Variants in H4C3 observed in about 807,000 individuals in gnomAD.
H4C3 encodes the protein H4 clustered histone 3.
In H4C3, 10 loss-of-function variants were observed where a neutral mutation model predicts 5.3. That is an observed-to-expected ratio of 1.87 (90% CI 1.16 to 3.18). H4C3 has a LOEUF of 3.18. Ranked by LOEUF, H4C3 falls within the 30% of genes most tolerant of loss-of-function variation. The pLI is 0.00. For missense variants in H4C3, 191 were observed against 152.5 expected (o/e 1.25, Z -1.33); for synonymous variants, 133 against 56.8 (o/e 2.34, Z -6.03).
At position 26,104,168 on chromosome 6, in the gene H4C3, C is replaced by G. The variant is rs1391019564; in HGVS notation, c.221C>G (p.Thr74Arg). The G allele has an allele frequency of 1.2e-6, 2 of 1,614,006 alleles. No homozygotes were observed. The highest frequency in any genetic ancestry group is 1.7e-6 in the Non-Finnish European group (2 of 1,180,030). Residue 74 changes from threonine to arginine, a missense_variant, in exon 1 of 1, where the codon ACG (threonine) becomes AGG (arginine). Coordinates refer to ENST00000377803, the MANE Select transcript of H4C3 (RefSeq NM_003542.4). ...GTTATTCGAGACGCCGTCACCTATA[C>G]GGAGCACGCCAAGCGCAAAACTGTC... is the stretch of plus-strand genomic sequence containing the variant. The part of the protein sequence containing the change: ...ENVIRDAVTY[T>R]EHAKRKTVTA...
At position 26,104,156 on chromosome 6, in the gene H4C3, C is replaced by A; in HGVS notation, c.209C>A (p.Ala70Asp). The change falls in exon 1 of 1, where the codon GCC (alanine) becomes GAC (aspartate). Residue 70 changes from alanine (A) to aspartate (D), a missense_variant. By Grantham distance (126) the Ala-to-Asp change is moderately radical. Transcript: ENST00000377803. The stretch of plus-strand genomic sequence containing the variant: ...TTCTTAGAGAACGTTATTCGAGACG[C>A]CGTCACCTATACGGAGCACGCCAAG... ...KVFLENVIRDAVTYTEHAKRK... is the reference protein window; with the variant it reads ...KVFLENVIRDDVTYTEHAKRK... The A allele has an allele frequency of 1.2e-6, 2 of 1,614,142 alleles. No homozygotes were observed. Among genetic ancestry groups the A allele is most frequent in the Non-Finnish European group, 1.7e-6 (2 of 1,180,026 alleles).
At position 26,104,100 on chromosome 6, in the gene H4C3, C is replaced by G. The variant is rs533320117; in HGVS notation, c.153C>G (p.Ile51Met). The G allele has an allele frequency of 3.1e-6, 5 of 1,614,142 alleles. No individual in the cohort carries two copies. Among genetic ancestry groups the G allele is most frequent in the Non-Finnish European group, 4.2e-6 (5 of 1,180,036 alleles). ...RGGVKRISGL[I>M]YEETRGVLKV... ...GCGTCAAGCGCATTTCCGGTCTTAT[C>G]TATGAGGAGACTCGAGGTGTGCTTA... Residue 51 changes from isoleucine (I) to methionine (M), a missense_variant, in exon 1 of 1, where the codon ATC (isoleucine) becomes ATG (methionine). Coordinates refer to ENST00000377803, the MANE Select transcript of H4C3 (RefSeq NM_003542.4).
rs928653034 is a variant in H4C3 at position 26,104,163 on chromosome 6, C to T, written c.216C>T (p.Thr72=). The change falls in exon 1 of 1, where the codon ACC becomes ACT. Residue 72 remains threonine, a synonymous_variant. Coordinates refer to ENST00000377803, the MANE Select transcript of H4C3 (RefSeq NM_003542.4). ...FLENVIRDAV[T]YTEHAKRKTV... is the part of the protein sequence containing the mutation. ...AGAACGTTATTCGAGACGCCGTCAC[C>T]TATACGGAGCACGCCAAGCGCAAAA... 1.9e-6 allele frequency: 3 copies of T among 1,614,044 alleles called. No individual in the cohort carries two copies. Among genetic ancestry groups the T allele is most frequent in the Non-Finnish European group, 2.5e-6 (3 of 1,180,038 alleles).
rs745478604 is a variant in H4C3 at position 26,104,122 on chromosome 6, C to G, written c.175C>G (p.Leu59Val). 1 of 1,614,146 alleles carries G rather than the reference C, an allele frequency of 6.2e-7. No homozygotes were observed. Among genetic ancestry groups the G allele is most frequent in the Non-Finnish European group, 8.5e-7 (1 of 1,180,030 alleles). The change falls in exon 1 of 1, where the codon CTT becomes GTT. Residue 59 changes from leucine to valine, a missense_variant. Physicochemically the swap from Leu to Val is conservative, Grantham distance 32. Coordinates refer to ENST00000377803, the MANE Select transcript of H4C3 (RefSeq NM_003542.4). ...TATCTATGAGGAGACTCGAGGTGTG[C>G]TTAAGGTTTTCTTAGAGAACGTTAT... is the stretch of plus-strand genomic sequence containing the variant. ...GLIYEETRGV[L>V]KVFLENVIRD...
rs1275105619 is a variant in H4C3 at position 26,104,043 on chromosome 6, AC to A, written c.98del (p.Pro33ArgfsTer31). 3.1e-6 allele frequency: 5 copies of A among 1,613,970 alleles called. No homozygotes were observed. In the African/African-American group the frequency reaches 4.0e-5, roughly 13 times the overall value. On this transcript the variant is annotated frameshift_variant, in exon 1 of 1. Transcript: ENST00000377803. LOFTEE classifies it high-confidence loss of function. ...GGGATAACATCCAGGGCATTACAAA[AC>A]CGGCTATTCGCCGTTTGGCTCGGCG... is the stretch of plus-strand genomic sequence containing the variant. ...LRDNIQGITK[P>X]AIRRLARRGG...
In H4C3 at chr6:26,104,105, A is replaced by G. The variant is rs1763196019; in HGVS notation, c.158A>G (p.Glu53Gly). 1 of 1,614,152 alleles carries G rather than the reference A, an allele frequency of 6.2e-7. No homozygotes were observed. Among genetic ancestry groups the G allele is most frequent in the Non-Finnish European group, 8.5e-7 (1 of 1,180,034 alleles). Residue 53 changes from glutamate (E) to glycine (G), a missense_variant, in exon 1 of 1, where the codon GAG becomes GGG. Glu to Gly is a moderately conservative substitution (Grantham distance 98, BLOSUM62 -2). Transcript: ENST00000377803. The stretch of plus-strand genomic sequence containing the variant: ...AAGCGCATTTCCGGTCTTATCTATG[A>G]GGAGACTCGAGGTGTGCTTAAGGTT... ...GVKRISGLIY[E>G]ETRGVLKVFL... is the part of the protein sequence containing the mutation.
Position 26,104,334 on chromosome 6 carries a change from C to G in H4C3, c.*75C>G. On this transcript the variant is annotated 3_prime_UTR_variant, in exon 1 of 1. Transcript: ENST00000377803. ...AACCCAAAGGCCCTTTTCAGGGCCG[C>G]TCACAAAGTCGTTTAAAGAGCTGAA... The G allele has an allele frequency of 7.5e-7, 1 of 1,341,366 alleles. No homozygotes were observed. Among genetic ancestry groups the G allele is most frequent in the Non-Finnish European group, 1.0e-6 (1 of 989,986 alleles). The allele number at this position is 1,341,366 out of a possible 1,614,324, so 83.1% of individuals were successfully genotyped here. A position where few individuals can be genotyped will look rare whatever the true frequency, so the allele number is the denominator to read the frequency against.
Position 26,104,118 on chromosome 6 carries a change from T to G in H4C3, c.171T>G (p.Gly57=). The G allele has an allele frequency of 6.2e-7, 1 of 1,614,046 alleles. No individual in the cohort carries two copies. The highest frequency in any genetic ancestry group is 2.2e-5 in the East Asian group (1 of 44,864). Residue 57 remains glycine, a synonymous_variant, in exon 1 of 1, where the codon GGT becomes GGG. Coordinates refer to ENST00000377803, the MANE Select transcript of H4C3 (RefSeq NM_003542.4). ...ISGLIYEETR[G]VLKVFLENVI... is the part of the protein sequence containing the mutation. The stretch of plus-strand genomic sequence containing the variant: ...GTCTTATCTATGAGGAGACTCGAGG[T>G]GTGCTTAAGGTTTTCTTAGAGAACG...
At position 26,104,009 on chromosome 6, in the gene H4C3, A is replaced by G. The variant is rs1226785101; in HGVS notation, c.62A>G (p.Lys21Arg). ...AAGGGTGGTGCTAAGCGCCATCGTA[A>G]GGTGCTCCGGGATAACATCCAGGGC... ...LGKGGAKRHRKVLRDNIQGIT... is the reference protein window; with the variant it reads ...LGKGGAKRHRRVLRDNIQGIT... Residue 21 changes from lysine to arginine, a missense_variant, in exon 1 of 1, where the codon AAG (lysine) becomes AGG (arginine). Lys to Arg is a conservative substitution (Grantham distance 26). Coordinates refer to ENST00000377803, the MANE Select transcript of H4C3 (RefSeq NM_003542.4). 1 of 1,614,046 alleles carries G rather than the reference A, an allele frequency of 6.2e-7. No individual in the cohort carries two copies. Among genetic ancestry groups the G allele is most frequent in the African/African-American group, 1.3e-5 (1 of 74,932 alleles).
In H4C3 at chr6:26,104,052, T is replaced by G; in HGVS notation, c.105T>G (p.Ile35Met). 6.2e-7 allele frequency: 1 copy of G among 1,613,978 alleles called. No homozygotes were observed. The highest frequency in any genetic ancestry group is 8.5e-7 in the Non-Finnish European group (1 of 1,179,998). ...DNIQGITKPAIRRLARRGGVK... is the reference protein window; with the variant it reads ...DNIQGITKPAMRRLARRGGVK... Reference sequence around the variant, plus strand: ...TCCAGGGCATTACAAAACCGGCTATTCGCCGTTTGGCTCGGCGCGGTGGCG... The same window carrying G: ...TCCAGGGCATTACAAAACCGGCTATGCGCCGTTTGGCTCGGCGCGGTGGCG... Residue 35 changes from isoleucine to methionine, a missense_variant, in exon 1 of 1, where the codon ATT becomes ATG. Coordinates refer to ENST00000377803, the MANE Select transcript of H4C3 (RefSeq NM_003542.4).
rs746126019 is a variant in H4C3, at chr6:26,103,957, C to T, written c.10C>T (p.Arg4Cys). Residue 4 changes from arginine to cysteine, a missense_variant, in exon 1 of 1, where the codon CGC (arginine) becomes TGC (cysteine). Transcript: ENST00000377803. ...CACTGCGATAGGAATCATGTCTGGTCGCGGCAAAGGCGGAAAAGGCTTGGG... is the reference window on the plus strand; with the variant it reads ...CACTGCGATAGGAATCATGTCTGGTTGCGGCAAAGGCGGAAAAGGCTTGGG... MSG[R>C]GKGGKGLGKG... 5.0e-6 allele frequency: 8 copies of T among 1,605,622 alleles called. No homozygotes were observed. The highest frequency in any genetic ancestry group is 2.2e-5 in the East Asian group (1 of 44,574).
rs769941868 is a variant in H4C3, at chr6:26,104,013, G to T, written c.66G>T (p.Val22=). The change falls in exon 1 of 1, where the codon GTG becomes GTT. Residue 22 remains valine (V), a synonymous_variant. Transcript: ENST00000377803. ...GTGGTGCTAAGCGCCATCGTAAGGTGCTCCGGGATAACATCCAGGGCATTA... is the reference window on the plus strand; with the variant it reads ...GTGGTGCTAAGCGCCATCGTAAGGTTCTCCGGGATAACATCCAGGGCATTA... ...GKGGAKRHRK[V]LRDNIQGITK... 1.7e-5 allele frequency: 28 copies of T among 1,614,056 alleles called. No homozygotes were observed. Among genetic ancestry groups the T allele is most frequent in the African/African-American group, 2.7e-5 (2 of 74,934 alleles).
Position 26,104,297 on chromosome 6 carries a change from C to CA in H4C3, c.*43dup, listed in dbSNP as rs754756765. 6.6e-7 allele frequency: 1 copy of CA among 1,525,540 alleles called. No individual in the cohort carries two copies. Among genetic ancestry groups the CA allele is most frequent in the Non-Finnish European group, 8.8e-7 (1 of 1,135,124 alleles). The allele number at this position is 1,525,540 out of a possible 1,614,324, so 94.5% of individuals were successfully genotyped here. A position where few individuals can be genotyped will look rare whatever the true frequency, so the allele number is the denominator to read the frequency against. On this transcript the variant is annotated 3_prime_UTR_variant, in exon 1 of 1. Transcript: ENST00000377803. ...GCGGTCTCCTGAGAACTTCAAAAAA[C>CA]AAAAACAAAAAAACCCAAAGGCCCT...
chr6:26,104,322 T>A lies in H4C3; in HGVS notation c.*63T>A, dbSNP rs1763203360. The A allele has an allele frequency of 7.1e-7, 1 of 1,417,172 alleles. No individual in the cohort carries two copies. Among genetic ancestry groups the A allele is most frequent in the Admixed American group, 2.4e-5 (1 of 41,332 alleles). The allele number at this position is 1,417,172 out of a possible 1,614,324, so 87.8% of individuals were successfully genotyped here. ...CAAAAACAAAAAAACCCAAAGGCCC[T>A]TTTCAGGGCCGCTCACAAAGTCGTT... On this transcript the variant is annotated 3_prime_UTR_variant, in exon 1 of 1. Coordinates refer to ENST00000377803, the MANE Select transcript of H4C3 (RefSeq NM_003542.4).
In H4C3 at chr6:26,104,258, G is replaced by A. The variant is rs771490255; in HGVS notation, c.311G>A (p.Ter104=). 11 of 1,582,702 alleles carry A rather than the reference G, an allele frequency of 7.0e-6. No homozygotes were observed. Among genetic ancestry groups the A allele is most frequent in the Non-Finnish European group, 9.5e-6 (11 of 1,160,014 alleles). Residue 104 remains the stop codon, a stop_retained_variant, in exon 1 of 1, where the codon TGA becomes TAA. Transcript: ENST00000377803. ...QGRTLYGFGG[*] ...CGCACTCTGTATGGCTTCGGCGGCT[G>A]AATCTAAGAATACGCGGTCTCCTGA...
At position 26,104,287 on chromosome 6, in the gene H4C3, C is replaced by T. The variant is rs371368554; in HGVS notation, c.*28C>T. ...CTAAGAATACGCGGTCTCCTGAGAA[C>T]TTCAAAAAACAAAAACAAAAAAACC... On this transcript the variant is annotated 3_prime_UTR_variant, in exon 1 of 1. Coordinates refer to ENST00000377803, the MANE Select transcript of H4C3 (RefSeq NM_003542.4). The T allele has an allele frequency of 2.6e-6, 4 of 1,540,534 alleles. No individual in the cohort carries two copies. The South Asian group carries it at 3.7e-5, about 14-fold the overall frequency.
In H4C3 at chr6:26,104,203, G is replaced by A. The variant is rs760454062; in HGVS notation, c.256G>A (p.Asp86Asn). 1.2e-6 allele frequency: 2 copies of A among 1,614,114 alleles called. No individual in the cohort carries two copies. The highest frequency in any genetic ancestry group is 1.7e-6 in the Non-Finnish European group (2 of 1,179,974). Residue 86 changes from aspartate to asparagine, a missense_variant, in exon 1 of 1, where the codon GAT becomes AAT. Asp to Asn is a conservative substitution (Grantham distance 23). Transcript: ENST00000377803. ...HAKRKTVTAM[D>N]VVYALKRQGR... is the part of the protein sequence containing the mutation. ...CAAGCGCAAAACTGTCACAGCCATG[G>A]ATGTAGTATATGCCCTAAAACGTCA...
In H4C3 at chr6:26,103,987, G is replaced by A. The variant is rs1206411356; in HGVS notation, c.40G>A (p.Gly14Ser). ...CAAAGGCGGAAAAGGCTTGGGGAAG[G>A]GTGGTGCTAAGCGCCATCGTAAGGT... Reference protein sequence around the residue: ...RGKGGKGLGKGGAKRHRKVLR... With the variant: ...RGKGGKGLGKSGAKRHRKVLR... The change falls in exon 1 of 1, where the codon GGT becomes AGT. Residue 14 changes from glycine to serine, a missense_variant. Physicochemically the swap from Gly to Ser is moderately conservative, Grantham distance 56. Coordinates refer to ENST00000377803, the MANE Select transcript of H4C3 (RefSeq NM_003542.4). 1.9e-6 allele frequency: 3 copies of A among 1,613,274 alleles called. No homozygotes were observed. Among genetic ancestry groups the A allele is most frequent in the Admixed American group, 1.7e-5 (1 of 59,988 alleles).
rs568284928 is a variant in H4C3 at position 26,104,199 on chromosome 6, C to T, written c.252C>T (p.Ala84=). Residue 84 remains alanine, a synonymous_variant, in exon 1 of 1, where the codon GCC becomes GCT. Coordinates refer to ENST00000377803, the MANE Select transcript of H4C3 (RefSeq NM_003542.4). ...ACGCCAAGCGCAAAACTGTCACAGC[C>T]ATGGATGTAGTATATGCCCTAAAAC... The part of the protein sequence containing the change: ...TEHAKRKTVT[A]MDVVYALKRQ... 7.4e-6 allele frequency: 12 copies of T among 1,614,120 alleles called. No homozygotes were observed. The highest frequency in any genetic ancestry group is 1.0e-5 in the Non-Finnish European group (12 of 1,180,012).
Sources: gnomAD v4.1 joint callset for allele counts on GRCh38, gnomAD v4.1.1 for gene constraint, MANE v1.5 for transcripts, NCBI Gene and HGNC (gene_info 2026-07-23, HGNC 2026-07-21) for gene names.